The following COG5 variants were observed in gnomAD, a reference collection of about 807,000 sequenced individuals.
COG5 encodes the protein conserved oligomeric Golgi complex subunit 5.
Under a neutral mutation model 110.4 loss-of-function variants are expected in COG5, and 86 were observed. That is an observed-to-expected ratio of 0.78 (90% confidence interval 0.65 to 0.93). The LOEUF (loss-of-function observed/expected upper bound fraction) is 0.93, where lower values mean the gene tolerates loss of function less well. Among genes scored for constraint, COG5 ranks in the 40% least tolerant of loss-of-function variants. The pLI is 0.00. For missense variants in COG5, 1,077 were observed against 987.0 expected (o/e 1.09, Z -1.22); for synonymous variants, 360 against 334.6 (o/e 1.08, Z -0.83).
At chr7:107,210,642 G>GC in intron 20 of COG5, 37 bp from the exon 21 acceptor site, 1 of 1,559,094 alleles carries the variant, frequency 6.4e-7, no homozygotes, top group Non-Finnish European at 8.7e-7. Context: ...GAGTGCATAC[G>GC]CATTCTTTAG....
At chr7:107,309,557 T>C (rs994682952) in intron 11 of COG5, among the ~76,000 whole-genome samples, 1 of 152,154 alleles carries the variant, frequency 6.6e-6, no homozygotes, top group Non-Finnish European at 1.5e-5. Context: ...ATATCTTGAT[T>C]ACTGAAAAGA....
Position 107,362,575 on chromosome 7 carries a change from TAAGA to T in COG5, c.836-159_836-156del, listed in dbSNP as rs1348856269. Among the ~76,000 whole-genome samples the T allele has an allele frequency of 3.3e-5, 5 of 152,216 alleles. 1 individual carries two copies. The South Asian group carries it at 8.3e-4, about 25-fold the overall frequency. ...AGTAAGAATCTTAACCTTTTATGCT[TAAGA>T]AAGAAAGGGAAGCGACACATACCCA... On this transcript the variant is annotated intron_variant, in intron 8 of 21. Coordinates refer to ENST00000297135, the MANE Select transcript of COG5 (RefSeq NM_006348.5).
chr7:107,209,835 G>A lies in COG5; in HGVS notation c.2375+691C>T, dbSNP rs73415410. Reference sequence around the variant, plus strand: ...TTATGAGTTTACAGAAGGAAATGGCGGTCAACTGTAGCTAAAGCTACAGAG... The same window carrying A: ...TTATGAGTTTACAGAAGGAAATGGCAGTCAACTGTAGCTAAAGCTACAGAG... On this transcript the variant is annotated intron_variant, in intron 21 of 21. Transcript: ENST00000297135. 6.2e-3 allele frequency: 6,109 copies of A among 985,462 alleles called. 252 individuals are homozygous for A. In the African/African-American group the frequency reaches 0.091, roughly 15 times the overall value. The allele number at this position is 985,462 out of a possible 1,614,324, so 61.0% of individuals were successfully genotyped here.
In COG5 at chr7:107,256,716, G is replaced by C; in HGVS notation, c.1749+16C>G. On this transcript the variant is annotated intron_variant, in intron 16 of 21. Transcript: ENST00000297135. ...AACCACTTTGATCTATAGAGTCAAA[G>C]ATTAAATTCTTTTACCTTTAGAGCT... 1 of 1,583,390 alleles carries C rather than the reference G, an allele frequency of 6.3e-7. No homozygotes were observed. The highest frequency in any genetic ancestry group is 8.7e-7 in the Non-Finnish European group (1 of 1,153,772).
At chr7:107,295,775 C>T (rs1056225977) in intron 12 of COG5, among the ~76,000 whole-genome samples, 6 of 152,038 alleles carry the variant, frequency 3.9e-5, no homozygotes, top group Admixed American at 2.0e-4. Flanking sequence ...TGTTTTGCCT[C>T]CATTGAATTT....
At chr7:107,276,845 A>G (rs1373655357) in intron 14 of COG5, among the ~76,000 whole-genome samples, 2 of 152,210 alleles carry the variant, frequency 1.3e-5, no homozygotes, top group Non-Finnish European at 2.9e-5. Context: ...TTAGTAAATT[A>G]ATTATAACCT....
intron 7 of COG5, among the ~76,000 whole-genome samples, chr7:107,389,207 T>C (rs1790441337): frequency 6.6e-6 from 1 of 151,946 alleles, no homozygotes; most frequent in Non-Finnish European, 1.5e-5. Flanking sequence ...GGGATAGATT[T>C]ACCCCCAGTG....
At chr7:107,479,413 T>C (rs1797185245) in intron 6 of COG5, among the ~76,000 whole-genome samples, 1 of 152,008 alleles carries the variant, frequency 6.6e-6, no homozygotes, top group Non-Finnish European at 1.5e-5. Context: ...ATACACAGAA[T>C]TGATGAGACA....
rs189374741 is a variant in COG5, at chr7:107,415,190, G to A, written c.539-2558C>T. 1.9e-4 allele frequency among the ~76,000 whole-genome samples: 29 copies of A among 152,324 alleles called. 1 individual carries two copies. The East Asian group carries it at 5.0e-3, about 26-fold the overall frequency. ...AAAACTAGATGAATGAGGAATGCAC[G>A]TATGAAATTGGGTTGGTGCTGGAAG... On this transcript the variant is annotated intron_variant, in intron 6 of 21. Transcript: ENST00000297135.
chr7:107,344,659 G>A (rs570078165), intron 10 of COG5, among the ~76,000 whole-genome samples: 1 of 152,232 alleles, frequency 6.6e-6, no homozygotes, highest in South Asian at 2.1e-4. Context: ...TGAGTAGCTG[G>A]GATTACAGGC....
chr7:107,412,485 A>T lies in COG5; in HGVS notation c.669+17T>A. 1.3e-6 allele frequency: 2 copies of T among 1,554,814 alleles called. No homozygotes were observed. Among genetic ancestry groups the T allele is most frequent in the South Asian group, 2.2e-5 (2 of 89,756 alleles). On this transcript the variant is annotated intron_variant, in intron 7 of 21. Coordinates refer to ENST00000297135, the MANE Select transcript of COG5 (RefSeq NM_006348.5). ...TGACACATTTTTTACATTAAAAAAC[A>T]GTCTTATTTTTATTACCTGAGTCTC... is the stretch of plus-strand genomic sequence containing the variant.
At chr7:107,368,530 T>C (rs1370227554) in intron 8 of COG5, among the ~76,000 whole-genome samples, 1 of 152,172 alleles carries the variant, frequency 6.6e-6, no homozygotes, top group African/African-American at 2.4e-5. Flanking sequence ...GTTCACCTTA[T>C]AATAATTCAT....
At chr7:107,364,673 G>A (rs1813438121) in intron 8 of COG5, among the ~76,000 whole-genome samples, 1 of 152,148 alleles carries the variant, frequency 6.6e-6, no homozygotes. Context: ...CTGCTTTTAA[G>A]GAGGACAAGA....
intron 6 of COG5, among the ~76,000 whole-genome samples, chr7:107,477,436 A>C (rs1797058270): frequency 6.6e-6 from 1 of 151,742 alleles, no homozygotes; most frequent in Non-Finnish European, 1.5e-5. Context: ...AGAGATTTCT[A>C]ATATATTTGT....
At position 107,513,038 on chromosome 7, in the gene COG5, T is replaced by C. The variant is rs1041988391; in HGVS notation, c.538+14199A>G. ...AAAGCAATGGCAACAAAAGACAAAA[T>C]TGACAAATGGGATCTAATTAAACTA... On this transcript the variant is annotated intron_variant, in intron 6 of 21. Transcript: ENST00000297135. 5.5e-3 allele frequency among the ~76,000 whole-genome samples: 841 copies of C among 151,862 alleles called. 8 individuals are homozygous for C. Among genetic ancestry groups the C allele is most frequent in the African/African-American group, 0.02 (809 of 41,390 alleles).
chr7:107,362,470 A>T (rs1020874582), intron 8 of COG5, 50 bp from the exon 9 acceptor site: 51 of 994,336 alleles, frequency 5.1e-5, no homozygotes, highest in Non-Finnish European at 6.9e-5. Context: ...TCCAAAGGCA[A>T]ATATATATAT....
intron 19 of COG5, among the ~76,000 whole-genome samples, chr7:107,228,975 T>A (rs148600447): frequency 6.6e-6 from 1 of 152,116 alleles, no homozygotes; most frequent in African/African-American, 2.4e-5. Flanking sequence ...CAGTACTGAG[T>A]TGGTTTTTAG....
At chr7:107,490,220 G>A (rs2129127576) in intron 6 of COG5, among the ~76,000 whole-genome samples, 1 of 152,134 alleles carries the variant, frequency 6.6e-6, no homozygotes, top group East Asian at 1.9e-4. Flanking sequence ...CTCCAAGATA[G>A]GGTCTTGTTA....
chr7:107,296,341 T>G (rs1806746825), intron 12 of COG5, among the ~76,000 whole-genome samples: 1 of 152,100 alleles, frequency 6.6e-6, no homozygotes, highest in Admixed American at 6.5e-5. Context: ...GCACATAGAT[T>G]TAAAAATAAA....
Sources: allele counts gnomAD v4.1 joint callset (sites outside exome capture counted in the v4.1 genomes callset), GRCh38; gene constraint gnomAD v4.1.1; transcripts MANE v1.5; gene names NCBI Gene and HGNC (gene_info 2026-07-23, HGNC 2026-07-21).